The following CTNNA3 variants were observed in gnomAD, a reference collection of about 807,000 sequenced individuals.
CTNNA3 encodes catenin alpha 3, also known as catenin alpha-3.
Under a neutral mutation model 95.7 loss-of-function variants are expected in CTNNA3, and 76 were observed. The observed-to-expected ratio is 0.79, with a 90% confidence interval of 0.66 to 0.96. CTNNA3 has a LOEUF of 0.96. CTNNA3 is among the 40% of genes least tolerant of loss of function. CTNNA3 has a pLI of 0.00. For missense variants in CTNNA3, 1,191 were observed against 1,089.8 expected (o/e 1.09, Z -1.31); for synonymous variants, 431 against 374.4 (o/e 1.15, Z -1.74).
chr10:67,479,005 A>G (rs904910307), intron 5 of CTNNA3, among the ~76,000 whole-genome samples: 29 of 152,152 alleles, frequency 1.9e-4, no homozygotes, highest in Non-Finnish European at 3.5e-4. Context: ...GTAAAAGAAG[A>G]CAAAGAAGGT....
chr10:66,276,374 T>G (rs1237059539), intron 13 of CTNNA3, among the ~76,000 whole-genome samples: 1 of 152,130 alleles, frequency 6.6e-6, no homozygotes, highest in East Asian at 1.9e-4. Flanking sequence ...GATACTTCAC[T>G]GCGGGCCACT....
chr10:66,739,886 G>A (rs1440967067), intron 9 of CTNNA3, among the ~76,000 whole-genome samples: 1 of 152,078 alleles, frequency 6.6e-6, no homozygotes, highest in Non-Finnish European at 1.5e-5. Context: ...TGAGAGACTT[G>A]CTAAAGTTTA....
intron 11 of CTNNA3, among the ~76,000 whole-genome samples, chr10:66,493,599 A>ATTTTT (rs528761424): frequency 0.023 from 2,577 of 111,888 alleles, 297 homozygotes; most frequent in African/African-American, 0.091. Context: ...TAACTACAGT[A>ATTTTT]TTTTTTTTTT....
intron 5 of CTNNA3, among the ~76,000 whole-genome samples, chr10:67,257,002 T>C (rs1360018830): frequency 6.6e-6 from 1 of 152,222 alleles, no homozygotes; most frequent in Non-Finnish European, 1.5e-5. Flanking sequence ...GCTAAGATTT[T>C]ATGCTTATAG....
At chr10:66,492,584 C>T (rs1404601959) in intron 11 of CTNNA3, among the ~76,000 whole-genome samples, 1 of 151,966 alleles carries the variant, frequency 6.6e-6, no homozygotes, top group Non-Finnish European at 1.5e-5. Context: ...TGATAGCAAT[C>T]ACTTATATTT....
At chr10:67,749,881 T>G (rs1319431324) in intron 1 of CTNNA3, among the ~76,000 whole-genome samples, 1 of 152,108 alleles carries the variant, frequency 6.6e-6, no homozygotes, top group African/African-American at 2.4e-5. Context: ...CAGGAGCTGG[T>G]TTTTTGAAAA....
At chr10:67,647,292 A>G (rs1839745488) in intron 2 of CTNNA3, 123 bp downstream of exon 2, 1 of 649,162 alleles carries the variant, frequency 1.5e-6, no homozygotes, top group Non-Finnish European at 2.4e-6. Context: ...TCTTTAAAGG[A>G]CAATTTTAGA....
intron 5 of CTNNA3, among the ~76,000 whole-genome samples, chr10:67,244,479 G>A (rs1344036902): frequency 2.0e-5 from 3 of 152,104 alleles, no homozygotes; most frequent in Non-Finnish European, 2.9e-5. Context: ...TGATAATCTT[G>A]CTAAATTTCA....
chr10:67,331,086 T>C (rs995817451), intron 5 of CTNNA3, among the ~76,000 whole-genome samples: 5 of 152,232 alleles, frequency 3.3e-5, no homozygotes, highest in African/African-American at 1.2e-4. Context: ...TGCTTTTAAG[T>C]CTTTACTGAC....
chr10:66,387,259 AC>A (rs2092900671), intron 11 of CTNNA3, among the ~76,000 whole-genome samples: 2 of 152,262 alleles, frequency 1.3e-5, no homozygotes, highest in Non-Finnish European at 2.9e-5. Context: ...AGAAAAAAAA[AC>A]AAGTCCATCA....
intron 13 of CTNNA3, among the ~76,000 whole-genome samples, chr10:66,189,777 C>T (rs545478980): frequency 9.3e-5 from 14 of 151,002 alleles, no homozygotes; most frequent in Middle Eastern, 6.8e-3. Context: ...CTTTATTTTC[C>T]GTATGAATTT....
chr10:67,651,888 T>A (rs77810037), intron 1 of CTNNA3, among the ~76,000 whole-genome samples: 3,288 of 152,320 alleles, frequency 0.022, 125 homozygotes, highest in African/African-American at 0.075. Flanking sequence ...CACCTAGATG[T>A]CCAGTCTAAT....
chr10:66,644,677 A>G (rs1006383332), intron 9 of CTNNA3, among the ~76,000 whole-genome samples: 2 of 150,894 alleles, frequency 1.3e-5, no homozygotes, highest in African/African-American at 2.4e-5. Context: ...TTGTAAGACT[A>G]TATTTTCAGG....
intron 11 of CTNNA3, among the ~76,000 whole-genome samples, chr10:66,424,787 G>A (rs1038254578): frequency 2.0e-5 from 3 of 151,966 alleles, no homozygotes; most frequent in Non-Finnish European, 4.4e-5. Context: ...AAGACTTTGG[G>A]ATGACTTGTT....
At chr10:66,161,142 A>G (rs2133934375) in intron 13 of CTNNA3, among the ~76,000 whole-genome samples, 1 of 152,188 alleles carries the variant, frequency 6.6e-6, no homozygotes, top group South Asian at 2.1e-4. Flanking sequence ...GCAGTTCTGT[A>G]TTTTTTAAGT....
intron 7 of CTNNA3, among the ~76,000 whole-genome samples, chr10:67,088,021 C>T (rs145125047): frequency 6.6e-6 from 1 of 151,856 alleles, no homozygotes; most frequent in African/African-American, 2.4e-5. Context: ...AATCTAAAAA[C>T]AGACATATAA....
chr10:67,639,181 C>T (rs981373578), intron 2 of CTNNA3, among the ~76,000 whole-genome samples: 10 of 152,118 alleles, frequency 6.6e-5, no homozygotes, highest in Admixed American at 3.9e-4. Context: ...GATATCACCG[C>T]CAATCCCACA....
At chr10:66,775,617 G>T in intron 7 of CTNNA3, 93 bp from the exon 8 acceptor site, 1 of 828,762 alleles carries the variant, frequency 1.2e-6, no homozygotes, top group Non-Finnish European at 2.0e-6. Context: ...ATAACAGCTT[G>T]AAATTCAAGA....
intron 12 of CTNNA3, among the ~76,000 whole-genome samples, chr10:66,360,816 CCTTTCTTT>C (rs758092288): frequency 0.012 from 617 of 50,258 alleles, 24 homozygotes; most frequent in African/African-American, 0.041. Context: ...TTCCTTCCTT[CCTTTCTTT>C]CTTTCTTTCT....
Sources: allele counts gnomAD v4.1 joint callset (sites outside exome capture counted in the v4.1 genomes callset), GRCh38; gene constraint gnomAD v4.1.1; transcripts MANE v1.5; gene names NCBI Gene and HGNC (gene_info 2026-07-23, HGNC 2026-07-21).